TG: variants seen among roughly 807,000 people sequenced by gnomAD.
The protein encoded by TG is thyroglobulin, also known as thyroid hormones.
A neutral mutation model predicts 324.7 loss-of-function variants in TG; 270 were observed. The ratio of observed to expected loss-of-function variants is 0.83; its 90% CI spans 0.75 to 0.92. TG has a LOEUF of 0.92. TG is among the 40% of genes least tolerant of loss of function. The probability of loss-of-function intolerance (pLI) is 0.00; values close to 1 mark genes in which losing one functional copy is unlikely to be tolerated. For synonymous variants in TG, 1,401 were observed against 1,327.0 expected (o/e 1.06, Z -1.21); for missense variants, 3,591 against 3,456.4 (o/e 1.04, Z -0.98).
intron 10 of TG, among the ~76,000 whole-genome samples, chr8:132,893,075 G>GT (rs1816489489): frequency 1.4e-5 from 2 of 146,358 alleles, no homozygotes; most frequent in South Asian, 2.2e-4. Flanking sequence ...TATGTGTGTG[G>GT]GTGGTGTATG....
chr8:132,965,346 G>T (rs1828394873), intron 29 of TG, among the ~76,000 whole-genome samples: 1 of 152,182 alleles, frequency 6.6e-6, no homozygotes, highest in Admixed American at 6.5e-5. Context: ...TTGTCCAGTG[G>T]TTCTTTCTAG....
chr8:133,031,654 T>C (rs1160832300), intron 41 of TG, among the ~76,000 whole-genome samples: 1 of 152,090 alleles, frequency 6.6e-6, no homozygotes, highest in Non-Finnish European at 1.5e-5. Context: ...CCTAGGAGGG[T>C]AGGAGAAGTG....
chr8:132,867,101 G>A (rs1266376060), intron 1 of TG, 34 bp downstream of exon 1: 2 of 1,570,624 alleles, frequency 1.3e-6, no homozygotes, highest in Admixed American at 1.8e-5. Context: ...AGGCGGTGGG[G>A]AGGGAGCTCC....
At chr8:132,907,832 C>A (rs1283384431) in intron 17 of TG, among the ~76,000 whole-genome samples, 1 of 152,168 alleles carries the variant, frequency 6.6e-6, no homozygotes. Flanking sequence ...GAATACCATT[C>A]ATTCCCATCA....
chr8:132,881,762 C>G lies in TG; in HGVS notation c.639-101C>G, dbSNP rs550096363. ...GTCATGTGATAAGAAAGTAGACATTCCTTTTCACTAGGCGTGGACTTGGCC... is the reference window on the plus strand; with the variant it reads ...GTCATGTGATAAGAAAGTAGACATTGCTTTTCACTAGGCGTGGACTTGGCC... On this transcript the variant is annotated intron_variant, in intron 5 of 47. Transcript: ENST00000220616. 4.6e-4 allele frequency: 374 copies of G among 809,878 alleles called. 4 individuals carry two copies. The South Asian group carries it at 5.0e-3, about 11-fold the overall frequency. The allele number at this position is 809,878 out of a possible 1,614,324, so 50.2% of individuals were successfully genotyped here.
intron 35 of TG, among the ~76,000 whole-genome samples, chr8:132,993,515 G>A (rs891819348): frequency 1.3e-5 from 2 of 152,236 alleles, no homozygotes; most frequent in African/African-American, 4.8e-5. Flanking sequence ...GCTCAGTAAA[G>A]GTTGGCAGTG....
intron 34 of TG, among the ~76,000 whole-genome samples, chr8:132,982,189 G>A (rs1279742335): frequency 1.3e-5 from 2 of 152,164 alleles, no homozygotes; most frequent in African/African-American, 4.8e-5. Context: ...TATAGACAAG[G>A]AAACTGAGGA....
chr8:133,014,259 C>G (rs1834822208), intron 37 of TG, among the ~76,000 whole-genome samples: 1 of 152,216 alleles, frequency 6.6e-6, no homozygotes, highest in South Asian at 2.1e-4. Context: ...AGCCATGCAG[C>G]CTAACTATCG....
chr8:133,100,408 A>G (rs1052096589), intron 43 of TG, among the ~76,000 whole-genome samples: 2 of 152,208 alleles, frequency 1.3e-5, no homozygotes, highest in African/African-American at 4.8e-5. Flanking sequence ...TGAAACTGCT[A>G]TATCTCTGGT....
At chr8:132,924,936 T>C (rs1821621073) in intron 22 of TG, among the ~76,000 whole-genome samples, 2 of 152,222 alleles carry the variant, frequency 1.3e-5, no homozygotes, top group African/African-American at 4.8e-5. Context: ...GGTCCCTTAA[T>C]CCTGATATCT....
intron 40 of TG, among the ~76,000 whole-genome samples, chr8:133,028,237 T>C (rs1404483221): frequency 6.6e-6 from 1 of 152,236 alleles, no homozygotes; most frequent in African/African-American, 2.4e-5. Context: ...TGCCCTGCTT[T>C]CCTGGGTTAC....
chr8:133,060,519 G>A (rs183829892), intron 41 of TG, among the ~76,000 whole-genome samples: 100 of 152,282 alleles, frequency 6.6e-4, no homozygotes, highest in African/African-American at 2.4e-3. Flanking sequence ...AAACCAAGCA[G>A]CATTTCAGGT....
intron 25 of TG, among the ~76,000 whole-genome samples, chr8:132,938,679 G>A (rs1190062635): frequency 6.6e-6 from 1 of 152,178 alleles, no homozygotes; most frequent in Non-Finnish European, 1.5e-5. Flanking sequence ...AGGAGGTAAA[G>A]ACGGGTATGA....
At chr8:133,094,083 G>A (rs1437690958) in intron 41 of TG, among the ~76,000 whole-genome samples, 2 of 152,060 alleles carry the variant, frequency 1.3e-5, no homozygotes, top group East Asian at 3.9e-4. Flanking sequence ...GCCCCATAGC[G>A]GATGCACCCT....
intron 41 of TG, among the ~76,000 whole-genome samples, chr8:133,077,726 C>G (rs373893650): frequency 8.4e-4 from 118 of 141,216 alleles, no homozygotes; most frequent in Middle Eastern, 7.2e-3. Flanking sequence ...AGGGCATTCT[C>G]TGGTGTGTAT....
intron 45 of TG, among the ~76,000 whole-genome samples, chr8:133,126,427 C>T (rs1007559900): frequency 1.3e-5 from 2 of 152,062 alleles, no homozygotes; most frequent in African/African-American, 2.4e-5. Flanking sequence ...TCTGGACAGC[C>T]GTTATCATAC....
At chr8:133,073,899 A>G (rs1844461399) in intron 41 of TG, among the ~76,000 whole-genome samples, 1 of 151,876 alleles carries the variant, frequency 6.6e-6, no homozygotes, top group Non-Finnish European at 1.5e-5. Context: ...AACAATCACA[A>G]TCCTATAGGA....
chr8:133,131,576 G>A (rs752371003), intron 45 of TG, among the ~76,000 whole-genome samples: 20 of 152,166 alleles, frequency 1.3e-4, no homozygotes, highest in Non-Finnish European at 7.3e-5. Flanking sequence ...TCAGTGTTCC[G>A]TGTTGGTCTC....
intron 41 of TG, among the ~76,000 whole-genome samples, chr8:133,072,680 T>C (rs1844245107): frequency 6.6e-6 from 1 of 152,252 alleles, no homozygotes; most frequent in Admixed American, 6.5e-5. Context: ...TTAGGTGCAC[T>C]AGAATGAATA....
Sources: gnomAD v4.1 joint callset for allele counts (sites outside exome capture counted in the v4.1 genomes callset) on GRCh38, gnomAD v4.1.1 for gene constraint, MANE v1.5 for transcripts, NCBI Gene and HGNC (gene_info 2026-07-23, HGNC 2026-07-21) for gene names.